The following SYDE2 variants were observed in gnomAD, a reference collection of about 807,000 sequenced individuals.
SYDE2 encodes synapse defective Rho GTPase homolog 2.
SYDE2 carries 76 observed loss-of-function variants against 91.5 expected under a neutral mutation model. That is an observed-to-expected ratio of 0.83 (90% CI 0.69 to 1.01). The LOEUF is 1.01. Among genes scored for constraint, SYDE2 ranks in the 50% least tolerant of loss-of-function variants. SYDE2 has a pLI of 0.00. For missense variants in SYDE2, 1,364 were observed against 1,367.7 expected (o/e 1.00, Z 0.04); for synonymous variants, 513 against 506.4 (o/e 1.01, Z -0.18).
intron 1 of SYDE2, among the ~76,000 whole-genome samples, chr1:85,196,332 A>G (rs1029586120): frequency 2.6e-5 from 4 of 152,126 alleles, no homozygotes; most frequent in Non-Finnish European, 4.4e-5. Context: ...CTCAGGTCCC[A>G]CCCCACACCT....
chr1:85,182,884 C>T lies in SYDE2; in HGVS notation c.1758G>A (p.Arg586=), dbSNP rs767130890. 1.2e-6 allele frequency: 2 copies of T among 1,613,470 alleles called. No homozygotes were observed. The highest frequency in any genetic ancestry group is 2.7e-5 in the African/African-American group (2 of 74,882). Residue 586 remains arginine (R), a synonymous_variant, in exon 3 of 7, where the codon AGG becomes AGA. Transcript: ENST00000341460. ...CAAGATGGTATCGGCTTATAACATT[C>T]CTCTTAGCAGCGGTGGTTGTGTTCC... ...PSGNTTTAAK[R]NVISRYHLDT...
intron 1 of SYDE2, among the ~76,000 whole-genome samples, chr1:85,197,678 G>A (rs1180155468): frequency 2.6e-5 from 4 of 151,438 alleles, no homozygotes; most frequent in African/African-American, 7.3e-5. Context: ...TTTTTGAGAC[G>A]GAGTCTCACT....
intron 4 of SYDE2, among the ~76,000 whole-genome samples, chr1:85,177,588 C>A (rs1184725368): frequency 6.6e-6 from 1 of 152,166 alleles, no homozygotes; most frequent in Non-Finnish European, 1.5e-5. Context: ...CTTCCTATTT[C>A]TACTGCTACA....
intron 4 of SYDE2, among the ~76,000 whole-genome samples, chr1:85,169,502 C>G (rs1657422033): frequency 6.6e-6 from 1 of 152,144 alleles, no homozygotes; most frequent in Admixed American, 6.5e-5. Context: ...ATTCTTGATA[C>G]ATATACCCTT....
downstream of SYDE2, chr1:85,154,199 A>T (rs1228405424): frequency 6.6e-6 from 1 of 151,316 alleles, no homozygotes; most frequent in Non-Finnish European, 1.5e-5. Context: ...AGTACCTAAA[A>T]ATTGATATAT....
rs55977750 is a variant in SYDE2, at chr1:85,163,445, C to CTATATATATATATA, written c.3085+1067_3085+1080dup. Among the ~76,000 whole-genome samples the CTATATATATATATA allele has an allele frequency of 2.8e-3, 241 of 87,602 alleles. 4 individuals carry two copies. Among genetic ancestry groups the CTATATATATATATA allele is most frequent in the Non-Finnish European group, 3.7e-3 (158 of 42,204 alleles). The allele number at this position is 87,602 out of a possible 152,430, so 57.5% of individuals were successfully genotyped here. A position where few individuals can be genotyped will look rare whatever the true frequency, so the allele number is the denominator to read the frequency against. ...ATCAAGCATTCTCTTGTACTTTAATCTATATATATATATATATATATATAT... is the reference window on the plus strand; with the variant it reads ...ATCAAGCATTCTCTTGTACTTTAATCTATATATATATATATATATATATATATATATATATATAT... On this transcript the variant is annotated intron_variant, in intron 6 of 6. Transcript: ENST00000341460.
Position 85,190,219 on chromosome 1 carries a change from C to T in SYDE2, c.1279G>A (p.Glu427Lys), listed in dbSNP as rs200884011. Residue 427 changes from glutamate to lysine, a missense_variant, in exon 2 of 7, where the codon GAA becomes AAA. Glu to Lys is a moderately conservative substitution (Grantham distance 56). Transcript: ENST00000341460. ...GTGGTCTGAATATCACCTGCATGTT[C>T]GGAAGAGCACAGTGAGTCTTCAGTA... ...RHTEDSLCSS[E>K]HAGDIQTTRS... The T allele has an allele frequency of 1.2e-3, 1,954 of 1,613,928 alleles. 7 individuals are homozygous for T. The highest frequency in any genetic ancestry group is 1.3e-3 in the Non-Finnish European group (1,564 of 1,179,886).
chr1:85,194,956 C>A (rs540474874), intron 1 of SYDE2: 1 of 334,212 alleles, frequency 3.0e-6, no homozygotes, highest in Non-Finnish European at 4.3e-6. Context: ...GTCAGGAGAT[C>A]GAGACCATCC....
intron 4 of SYDE2, among the ~76,000 whole-genome samples, chr1:85,169,582 T>G (rs965275267): frequency 6.6e-5 from 10 of 152,224 alleles, no homozygotes. Context: ...GCAAGGCATA[T>G]TTATGTTAAT....
At chr1:85,166,892 A>C (rs918860923) in intron 5 of SYDE2, among the ~76,000 whole-genome samples, 1 of 152,166 alleles carries the variant, frequency 6.6e-6, no homozygotes, top group Non-Finnish European at 1.5e-5. Flanking sequence ...GATAAGCCAA[A>C]AAATGTAATT....
intron 4 of SYDE2, among the ~76,000 whole-genome samples, chr1:85,174,523 T>C (rs906706809): frequency 6.6e-6 from 1 of 152,194 alleles, no homozygotes; most frequent in Non-Finnish European, 1.5e-5. Context: ...TTCTCTCACA[T>C]ACAAAACTTA....
intron 1 of SYDE2, among the ~76,000 whole-genome samples, chr1:85,193,684 C>G (rs1255917485): frequency 6.6e-6 from 1 of 152,112 alleles, no homozygotes; most frequent in East Asian, 1.9e-4. Flanking sequence ...AGCACAGTGG[C>G]ACCATTATGG....
At position 85,164,638 on chromosome 1, in the gene SYDE2, T is replaced by C; in HGVS notation, c.2973A>G (p.Gln991=). ...CTCTGTTGTTATGGGTGGAAGGCTC[T>C]TGCCTCTGACTTAATAATACTGGTC... ...CFGPVLLSQR[Q]EPSTHNNRVF... is the part of the protein sequence containing the mutation. The change falls in exon 6 of 7, where the codon CAA becomes CAG. Residue 991 remains glutamine (Q), a synonymous_variant. Transcript: ENST00000341460. The C allele has an allele frequency of 6.3e-7, 1 of 1,599,806 alleles. No individual in the cohort carries two copies. Among genetic ancestry groups the C allele is most frequent in the African/African-American group, 1.3e-5 (1 of 74,830 alleles).
chr1:85,160,479 A>G, intron 6 of SYDE2: 1 of 966,252 alleles, frequency 1.0e-6, no homozygotes, highest in East Asian at 1.1e-4. Flanking sequence ...TTGATCTAAA[A>G]TTTTCTAGAA....
chr1:85,153,713 C>G (rs1182061001), downstream of SYDE2: 2 of 152,098 alleles, frequency 1.3e-5, no homozygotes, highest in Admixed American at 1.3e-4. Context: ...AGTGTCATAA[C>G]CAGGTATGGC....
At chr1:85,155,975 A>C (rs817409), downstream of SYDE2, among the ~76,000 whole-genome samples, 34,297 of 152,062 alleles carry the variant, frequency 0.23, 4,772 homozygotes, top group African/African-American at 0.39. Context: ...GATCAAAAAA[A>C]TTATTAACTA....
rs1018232998 is a variant in SYDE2, at chr1:85,161,100, G to A, written c.3086-1851C>T. On this transcript the variant is annotated intron_variant, in intron 6 of 6. Transcript: ENST00000341460. ...CAAAAGTTCTGGTTTTCCCATCACT[G>A]TTGACTACCCACCTTCAGTAGAACA... The A allele has an allele frequency of 4.1e-6, 4 of 985,106 alleles. No individual in the cohort carries two copies. The Admixed American group carries it at 2.5e-4, about 61-fold the overall frequency. The allele number at this position is 985,106 out of a possible 1,614,324, so 61.0% of individuals were successfully genotyped here.
intron 3 of SYDE2, chr1:85,181,299 G>A (rs112497681): frequency 0.062 from 9,443 of 152,044 alleles, 688 homozygotes; most frequent in African/African-American, 0.17. Flanking sequence ...TTACAGGCAT[G>A]CGCCACCATG....
intron 4 of SYDE2, among the ~76,000 whole-genome samples, chr1:85,175,268 G>A (rs1657652401): frequency 6.6e-6 from 1 of 152,248 alleles, no homozygotes; most frequent in Non-Finnish European, 1.5e-5. Context: ...GGGAGGCTGA[G>A]ACGGGAGGAT....
Sources: gnomAD v4.1 joint callset for allele counts (sites outside exome capture counted in the v4.1 genomes callset) on GRCh38, gnomAD v4.1.1 for gene constraint, MANE v1.5 for transcripts, NCBI Gene and HGNC (gene_info 2026-07-23, HGNC 2026-07-21) for gene names.